SNTG1: variants seen among roughly 807,000 people sequenced by gnomAD.
SNTG1 encodes the protein gamma-1-syntrophin.
Under a neutral mutation model 74.7 loss-of-function variants are expected in SNTG1, and 39 were observed. The ratio of observed to expected loss-of-function variants is 0.52; its 90% CI spans 0.40 to 0.68. The LOEUF is 0.68. SNTG1 is among the 30% of genes least tolerant of loss of function. The pLI is 0.00. For synonymous variants in SNTG1, 254 were observed against 217.1 expected (o/e 1.17, Z -1.49); for missense variants, 685 against 609.5 (o/e 1.12, Z -1.30).
chr8:50,735,953 T>C (rs2095527502), intron 17 of SNTG1, among the ~76,000 whole-genome samples: 1 of 152,014 alleles, frequency 6.6e-6, no homozygotes, highest in Non-Finnish European at 1.5e-5. Flanking sequence ...TAGAAGAGAT[T>C]GGGGGCCAAT....
At chr8:50,497,023 A>G (rs1223557425) in intron 8 of SNTG1, among the ~76,000 whole-genome samples, 1 of 151,642 alleles carries the variant, frequency 6.6e-6, no homozygotes, top group Non-Finnish European at 1.5e-5. Context: ...TGAAAAGATT[A>G]ATAAGCCTGC....
Position 50,025,138 on chromosome 8 carries a change from G to A in SNTG1, c.-103+112907G>A, listed in dbSNP as rs149075012. ...TTTCTTCACAGCAAACACCCTGAAA[G>A]ATATACAAAACCAAGAAAATACTTC... On this transcript the variant is annotated intron_variant, in intron 1 of 18. Coordinates refer to ENST00000642720, the MANE Select transcript of SNTG1 (RefSeq NM_018967.5). Among the ~76,000 whole-genome samples, 97 of 152,026 alleles carry A rather than the reference G, an allele frequency of 6.4e-4. 1 individual carries two copies. The East Asian group carries it at 0.016, about 25-fold the overall frequency.
chr8:50,749,293 G>A (rs182295964), intron 17 of SNTG1, among the ~76,000 whole-genome samples: 127 of 152,170 alleles, frequency 8.3e-4, no homozygotes, highest in Non-Finnish European at 1.4e-3. Flanking sequence ...TGATAAAGAT[G>A]AAGAAGCTGA....
chr8:50,421,050 G>C (rs1445385581), intron 4 of SNTG1, among the ~76,000 whole-genome samples: 5 of 57,902 alleles, frequency 8.6e-5, no homozygotes, highest in Non-Finnish European at 1.4e-4. Flanking sequence ...GGTGGGCGGG[G>C]GAGGGGGGGG....
intron 2 of SNTG1, among the ~76,000 whole-genome samples, chr8:50,301,407 A>G (rs1248957036): frequency 2.6e-5 from 4 of 152,128 alleles, no homozygotes; most frequent in East Asian, 1.9e-4. Context: ...CAGAATTTCA[A>G]CTTCTTTTTT....
intron 13 of SNTG1, among the ~76,000 whole-genome samples, chr8:50,600,067 T>A (rs2094761406): frequency 1.3e-5 from 2 of 152,154 alleles, no homozygotes; most frequent in Non-Finnish European, 1.5e-5. Flanking sequence ...GATCATATGG[T>A]TGTTGTTCCT....
At chr8:50,253,629 T>C (rs1441568091) in intron 2 of SNTG1, among the ~76,000 whole-genome samples, 1 of 151,536 alleles carries the variant, frequency 6.6e-6, no homozygotes, top group African/African-American at 2.4e-5. Context: ...TGTGTGTGTG[T>C]GTGTTCCATA....
intron 2 of SNTG1, among the ~76,000 whole-genome samples, chr8:50,306,880 T>G (rs904111545): frequency 2.0e-5 from 3 of 152,104 alleles, no homozygotes; most frequent in African/African-American, 7.2e-5. Flanking sequence ...GCGGAAGCTT[T>G]CTAATGTAAT....
intron 2 of SNTG1, among the ~76,000 whole-genome samples, chr8:50,380,660 C>T (rs1424270617): frequency 1.3e-5 from 2 of 152,160 alleles, no homozygotes; most frequent in African/African-American, 4.8e-5. Context: ...TTATCAGTCT[C>T]CTGGGCAATG....
intron 15 of SNTG1, among the ~76,000 whole-genome samples, chr8:50,700,178 C>A (rs1331091595): frequency 1.3e-5 from 2 of 152,118 alleles, no homozygotes; most frequent in Admixed American, 6.6e-5. Context: ...GTAAATACTC[C>A]TTATTATACT....
intron 2 of SNTG1, among the ~76,000 whole-genome samples, chr8:50,242,564 G>A (rs1186280348): frequency 5.4e-5 from 8 of 147,786 alleles, no homozygotes; most frequent in Non-Finnish European, 1.2e-4. Flanking sequence ...GAAATGTATT[G>A]TATTTATTCT....
intron 2 of SNTG1, among the ~76,000 whole-genome samples, chr8:50,185,996 C>G (rs1197286445): frequency 2.0e-5 from 3 of 152,056 alleles, no homozygotes; most frequent in Non-Finnish European, 4.4e-5. Context: ...GCTCTCCATA[C>G]CCTAGACTCC....
intron 2 of SNTG1, among the ~76,000 whole-genome samples, chr8:50,207,205 T>C (rs1209635432): frequency 6.6e-6 from 1 of 152,198 alleles, no homozygotes; most frequent in Non-Finnish European, 1.5e-5. Context: ...CTGGACTTTT[T>C]TTGGTTGGTA....
At chr8:50,190,142 A>C (rs2083515110) in intron 2 of SNTG1, among the ~76,000 whole-genome samples, 1 of 152,170 alleles carries the variant, frequency 6.6e-6, no homozygotes, top group Non-Finnish European at 1.5e-5. Context: ...TCAAAGATGG[A>C]TACGGTATAA....
intron 2 of SNTG1, among the ~76,000 whole-genome samples, chr8:50,357,488 A>G (rs2091852031): frequency 1.3e-5 from 2 of 152,208 alleles, no homozygotes; most frequent in South Asian, 4.1e-4. Context: ...TAAAATCAAT[A>G]CAAGTGTCCT....
chr8:50,694,265 T>C (rs369088796), intron 15 of SNTG1, among the ~76,000 whole-genome samples: 52 of 151,782 alleles, frequency 3.4e-4, no homozygotes, highest in African/African-American at 1.2e-3. Flanking sequence ...ATATTACATC[T>C]GATACCACAG....
intron 1 of SNTG1, among the ~76,000 whole-genome samples, chr8:49,989,058 A>G (rs902400943): frequency 2.0e-5 from 3 of 151,958 alleles, no homozygotes; most frequent in Admixed American, 1.3e-4. Flanking sequence ...TGAAAACATC[A>G]CCTGTACCCT....
chr8:50,381,902 A>G (rs2092494580), intron 2 of SNTG1: 1 of 148,998 alleles, frequency 6.7e-6, no homozygotes, highest in Admixed American at 6.8e-5. Flanking sequence ...ACGTCCCACA[A>G]TAGGCTGTCT....
upstream of SNTG1, among the ~76,000 whole-genome samples, chr8:49,910,260 G>C (rs535137112): frequency 6.6e-6 from 1 of 152,244 alleles, no homozygotes; most frequent in South Asian, 2.1e-4. Context: ...CCCACAGCCC[G>C]GGAGAAATTA....
Sources: gnomAD v4.1 joint callset for allele counts (sites outside exome capture counted in the v4.1 genomes callset) on GRCh38, gnomAD v4.1.1 for gene constraint, MANE v1.5 for transcripts, NCBI Gene and HGNC (gene_info 2026-07-23, HGNC 2026-07-21) for gene names.